RBM6: variants seen among roughly 807,000 people sequenced by gnomAD.
The protein encoded by RBM6 is RNA-binding protein 6.
Under a neutral mutation model 140.4 loss-of-function variants are expected in RBM6, and 23 were observed. That is an observed-to-expected ratio of 0.16 (90% CI 0.12 to 0.23). The LOEUF is 0.23. Ranked by LOEUF, RBM6 falls within the 10% of genes least tolerant of loss-of-function variation. The pLI, the probability that RBM6 is intolerant of heterozygous loss-of-function variation, is 1.00. For synonymous variants in RBM6, 439 were observed against 475.6 expected, an observed-to-expected ratio of 0.92 and a Z score of 1.00; for missense variants, 1,139 against 1,386.7, an observed-to-expected ratio of 0.82 and a Z score of 2.84.
At chr3:50,044,162 G>A (rs911578005) in intron 6 of RBM6, among the ~76,000 whole-genome samples, 21 of 152,120 alleles carry the variant, frequency 1.4e-4, no homozygotes, top group Admixed American at 4.6e-4. Flanking sequence ...ACAGGCGTGA[G>A]CCACCGTGCC....
chr3:50,020,996 A>G (rs371377205), intron 6 of RBM6, among the ~76,000 whole-genome samples: 1 of 152,132 alleles, frequency 6.6e-6, no homozygotes, highest in African/African-American at 2.4e-5. Context: ...TTAAATCTCC[A>G]TATACTTTGG....
chr3:49,987,673 CTG>C (rs2085626406), intron 5 of RBM6, among the ~76,000 whole-genome samples: 1 of 151,768 alleles, frequency 6.6e-6, no homozygotes, highest in African/African-American at 2.4e-5. Context: ...GAGTCTTACT[CTG>C]TCACCTGGGC....
chr3:50,036,975 G>C (rs189176973), intron 6 of RBM6, among the ~76,000 whole-genome samples: 2 of 151,634 alleles, frequency 1.3e-5, no homozygotes, highest in African/African-American at 4.8e-5. Flanking sequence ...TAGTAGAGAC[G>C]GGGCTTCACC....
intron 6 of RBM6, among the ~76,000 whole-genome samples, chr3:50,039,954 C>A (rs2088784151): frequency 1.3e-5 from 2 of 151,808 alleles, no homozygotes; most frequent in African/African-American, 2.4e-5. Context: ...TGTGGATCCC[C>A]TGGTAGGCAC....
At chr3:50,032,118 GC>G in intron 6 of RBM6, among the ~76,000 whole-genome samples, 1 of 152,258 alleles carries the variant, frequency 6.6e-6, no homozygotes, top group Admixed American at 6.5e-5. Flanking sequence ...GCAGCTATGT[GC>G]CCAGTTAAAA....
intron 6 of RBM6, among the ~76,000 whole-genome samples, chr3:50,002,101 T>TTG (rs982441935): frequency 4.6e-5 from 7 of 151,752 alleles, no homozygotes; most frequent in East Asian, 3.9e-4. Flanking sequence ...ATTATAAATT[T>TTG]TGTGTGTGTG....
intron 19 of RBM6, among the ~76,000 whole-genome samples, chr3:50,073,778 G>A (rs1176802742): frequency 6.6e-6 from 1 of 152,010 alleles, no homozygotes; most frequent in Non-Finnish European, 1.5e-5. Flanking sequence ...TTTGCCAGAA[G>A]GATGAGGTTC....
intron 6 of RBM6, among the ~76,000 whole-genome samples, chr3:50,003,497 C>T (rs143305925): frequency 4.6e-4 from 70 of 152,108 alleles, no homozygotes; most frequent in African/African-American, 1.2e-3. Flanking sequence ...TTTGCTATTC[C>T]GACTCTTGAT....
intron 6 of RBM6, among the ~76,000 whole-genome samples, chr3:50,002,784 C>G (rs777078938): frequency 1.3e-5 from 2 of 152,100 alleles, no homozygotes; most frequent in Non-Finnish European, 2.9e-5. Flanking sequence ...GTGGATTAAA[C>G]TCCTTATGAC....
At chr3:50,038,485 G>GT (rs1283932671) in intron 6 of RBM6, among the ~76,000 whole-genome samples, 1 of 152,104 alleles carries the variant, frequency 6.6e-6, no homozygotes, top group Non-Finnish European at 1.5e-5. Flanking sequence ...CAGAAGAAAA[G>GT]AGCCAGGGAG....
intron 6 of RBM6, among the ~76,000 whole-genome samples, chr3:50,030,084 A>C (rs1030915668): frequency 6.6e-6 from 1 of 151,968 alleles, no homozygotes; most frequent in African/African-American, 2.4e-5. Context: ...TGGGCAATGT[A>C]GTGGGACCTT....
intron 6 of RBM6, among the ~76,000 whole-genome samples, chr3:50,042,745 CT>C (rs201439775): frequency 6.6e-6 from 1 of 151,222 alleles, no homozygotes; most frequent in African/African-American, 2.4e-5. Context: ...GAGACCCTGT[CT>C]TTTTTTTAAA....
At chr3:49,941,502 T>G (rs2083277351) in intron 1 of RBM6, among the ~76,000 whole-genome samples, 1 of 151,766 alleles carries the variant, frequency 6.6e-6, no homozygotes, top group Non-Finnish European at 1.5e-5. Context: ...TAGCCGGGCA[T>G]GGTGGCACAT....
chr3:49,975,353 A>T lies in RBM6; in HGVS notation c.1444A>T (p.Met482Leu). ...ILNAFRTPDG[M>L]PVKNLQLKEY... Reference sequence around the variant, plus strand: ...TAATGCTTTTCGGACTCCTGATGGCATGCCTGTAAAGAACTTGCAGTTGAA... The same window carrying T: ...TAATGCTTTTCGGACTCCTGATGGCTTGCCTGTAAAGAACTTGCAGTTGAA... The change falls in exon 5 of 21, where the codon ATG becomes TTG. Residue 482 changes from methionine to leucine, a missense_variant. Transcript: ENST00000266022. 6.2e-7 allele frequency: 1 copy of T among 1,613,952 alleles called. No individual in the cohort carries two copies. The highest frequency in any genetic ancestry group is 1.6e-4 in the Middle Eastern group (1 of 6,062).
At chr3:50,063,241 C>G (rs1014081696) in intron 15 of RBM6, among the ~76,000 whole-genome samples, 1 of 152,060 alleles carries the variant, frequency 6.6e-6, no homozygotes, top group Admixed American at 6.6e-5. Flanking sequence ...CATTTTGTTT[C>G]TTCTTTTAAA....
chr3:50,061,304 G>C, intron 13 of RBM6, 83 bp downstream of exon 13: 1 of 1,604,092 alleles, frequency 6.2e-7, no homozygotes, highest in Non-Finnish European at 8.5e-7. Flanking sequence ...ATCACAGTTG[G>C]CAAGATACAC....
chr3:50,064,918 T>G, intron 15 of RBM6, 113 bp from the exon 16 acceptor site: 1 of 765,592 alleles, frequency 1.3e-6, no homozygotes, highest in Non-Finnish European at 2.1e-6. Context: ...GTGATCCACC[T>G]GCCTTGACCT....
chr3:50,019,122 G>T (rs1258857372), intron 6 of RBM6, among the ~76,000 whole-genome samples: 2 of 151,428 alleles, frequency 1.3e-5, no homozygotes, highest in Non-Finnish European at 2.9e-5. Flanking sequence ...TGCAGCCTCC[G>T]CCTCCCAGGT....
At chr3:49,982,744 G>A (rs1256516983) in intron 5 of RBM6, among the ~76,000 whole-genome samples, 1 of 148,734 alleles carries the variant, frequency 6.7e-6, no homozygotes, top group African/African-American at 2.5e-5. Flanking sequence ...TTGAGACAGA[G>A]TCTCTCTCAG....
Sources: allele counts gnomAD v4.1 joint callset (sites outside exome capture counted in the v4.1 genomes callset), GRCh38; gene constraint gnomAD v4.1.1; transcripts MANE v1.5; gene names NCBI Gene and HGNC (gene_info 2026-07-23, HGNC 2026-07-21).